The following KCNAB2 variants were observed in gnomAD, a reference collection of about 807,000 sequenced individuals.
KCNAB2 encodes voltage-gated potassium channel subunit beta-2.
KCNAB2 carries 29 observed loss-of-function variants against 63.6 expected under a neutral mutation model. The observed-to-expected ratio is 0.46, with a 90% CI of 0.34 to 0.62. The LOEUF is 0.62. KCNAB2 is among the 20% of genes least tolerant of loss of function. KCNAB2 has a pLI of 0.01. For missense variants in KCNAB2, 359 were observed against 563.9 expected (o/e 0.64, Z 3.68); for synonymous variants, 222 against 224.2 (o/e 0.99, Z 0.09).
intron 8 of KCNAB2, among the ~76,000 whole-genome samples, chr1:6,090,074 C>T (rs1165172105): frequency 6.6e-6 from 1 of 152,236 alleles, no homozygotes; most frequent in Non-Finnish European, 1.5e-5. Context: ...ATAAAGTCAT[C>T]TCCCTGTTGT....
rs1664822060 is a variant in KCNAB2 at position 6,087,691 on chromosome 1, G to A, written c.470+180G>A. Among the ~76,000 whole-genome samples the A allele has an allele frequency of 6.6e-6, 1 of 152,210 alleles. No homozygotes were observed. Among genetic ancestry groups the A allele is most frequent in the Admixed American group, 6.5e-5 (1 of 15,288 alleles). On this transcript the variant is annotated intron_variant, in intron 7 of 15. Coordinates refer to ENST00000378083, the MANE Select transcript of KCNAB2 (RefSeq NM_001199862.2). This position sits in a 1 kb window ranked among gnomAD's most constrained non-coding sequence, Gnocchi z 6.4. ...GGCCCAGTGCCATTTCCTGTCCCCA[G>A]CAGGGGCAGAGCTGGTGTTTCTGCA...
At chr1:6,062,589 C>T (rs1662409327) in intron 2 of KCNAB2, among the ~76,000 whole-genome samples, 1 of 152,184 alleles carries the variant, frequency 6.6e-6, no homozygotes, top group African/African-American at 2.4e-5. Flanking sequence ...CCTGGTGTCC[C>T]TGGGAAGAAC....
chr1:6,027,606 A>G (rs1659293491), intron 1 of KCNAB2: 1 of 152,236 alleles, frequency 6.6e-6, no homozygotes, highest in Non-Finnish European at 1.5e-5. Flanking sequence ...CTGTTCTTGC[A>G]AAAGTCTAGA....
rs913817548 is a variant in KCNAB2, at chr1:5,994,561, T to C, written c.-53+1773T>C. 6.6e-6 allele frequency among the ~76,000 whole-genome samples: 1 copy of C among 152,096 alleles called. No homozygotes were observed. The highest frequency in any genetic ancestry group is 2.4e-5 in the African/African-American group (1 of 41,412). ...TTTCCCTGCGCCAGTCAGCAAATGC[T>C]TTGTAGGTGCTAGTCAACACCTGGG... On this transcript the variant is annotated intron_variant, in intron 1 of 16. Transcript: ENST00000341524. The surrounding 1 kb of genome is among the most constrained non-coding windows in gnomAD (Gnocchi z 5.4).
At chr1:6,009,820 T>C (rs549514400) in intron 1 of KCNAB2, among the ~76,000 whole-genome samples, 3 of 152,236 alleles carry the variant, frequency 2.0e-5, no homozygotes, top group East Asian at 1.9e-4. Context: ...ACTTTAGTCA[T>C]TGGCCTTTCA....
chr1:6,078,022 C>T lies in KCNAB2; in HGVS notation c.301-4173C>T, dbSNP rs1013235170. On this transcript the variant is annotated intron_variant, in intron 4 of 15. Coordinates refer to ENST00000378083, the MANE Select transcript of KCNAB2 (RefSeq NM_001199862.2). This position sits in a 1 kb window ranked among gnomAD's most constrained non-coding sequence, Gnocchi z 4.2. Reference sequence around the variant, plus strand: ...TACCCCTGAGCCTAAGTCCAGGAGTCAGCCGGGCCGGGCTTCCTTCTCCCG... The same window carrying T: ...TACCCCTGAGCCTAAGTCCAGGAGTTAGCCGGGCCGGGCTTCCTTCTCCCG... 3.3e-5 allele frequency among the ~76,000 whole-genome samples: 5 copies of T among 149,704 alleles called. No individual in the cohort carries two copies. Among genetic ancestry groups the T allele is most frequent in the African/African-American group, 1.3e-4 (5 of 39,676 alleles).
At chr1:6,041,633 G>T (rs1252285887), upstream of KCNAB2, 3 of 580,714 alleles carry the variant, frequency 5.2e-6, no homozygotes, top group Non-Finnish European at 9.3e-6. Flanking sequence ...CGTGGCCACC[G>T]GGTGGCGCTG....
chr1:6,087,441 C>A lies in KCNAB2; in HGVS notation c.426-26C>A. On this transcript the variant is annotated intron_variant, in intron 6 of 15. Coordinates refer to ENST00000378083, the MANE Select transcript of KCNAB2 (RefSeq NM_001199862.2). The surrounding 1 kb of genome is among the most constrained non-coding windows in gnomAD (Gnocchi z 6.4). ...CCCCCCAGGGGCCGGGCTTATCACA[C>A]CCCTTCTTTCTCTTCTGTTCCACAG... 1 of 1,613,752 alleles carries A rather than the reference C, an allele frequency of 6.2e-7. No individual in the cohort carries two copies. Among genetic ancestry groups the A allele is most frequent in the Non-Finnish European group, 8.5e-7 (1 of 1,179,640 alleles).
At position 6,074,731 on chromosome 1, in the gene KCNAB2, G is replaced by A. The variant is rs1663519083; in HGVS notation, c.300+961G>A. On this transcript the variant is annotated intron_variant, in intron 4 of 15. Coordinates refer to ENST00000378083, the MANE Select transcript of KCNAB2 (RefSeq NM_001199862.2). This position sits in a 1 kb window ranked among gnomAD's most constrained non-coding sequence, Gnocchi z 4.9. ...CCCCAGCACTTTGGAAGGCTGGGGC[G>A]GGCGGATCACCTGAGGTCAGGAGTT... Among the ~76,000 whole-genome samples the A allele has an allele frequency of 6.6e-6, 1 of 152,110 alleles. No homozygotes were observed. Among genetic ancestry groups the A allele is most frequent in the African/African-American group, 2.4e-5 (1 of 41,404 alleles).
Position 5,994,408 on chromosome 1 carries a change from T to C in KCNAB2, c.-53+1620T>C, listed in dbSNP as rs952827738. Among the ~76,000 whole-genome samples the C allele has an allele frequency of 6.6e-6, 1 of 152,214 alleles. No individual in the cohort carries two copies. The highest frequency in any genetic ancestry group is 2.4e-5 in the African/African-American group (1 of 41,454). On this transcript the variant is annotated intron_variant, in intron 1 of 16. Transcript: ENST00000341524. This position sits in a 1 kb window ranked among gnomAD's most constrained non-coding sequence, Gnocchi z 5.4. ...GGGGCCCTAAGAGTGCACTTGGTCC[T>C]CCAGGTCCTGTCATTGTCTCCACGG...
In KCNAB2 at chr1:6,087,332, G is replaced by A; in HGVS notation, c.426-135G>A. The A allele has an allele frequency of 3.3e-6, 3 of 915,202 alleles. No individual in the cohort carries two copies. The highest frequency in any genetic ancestry group is 5.4e-6 in the Non-Finnish European group (3 of 555,482). The allele number at this position is 915,202 out of a possible 1,614,324, so 56.7% of individuals were successfully genotyped here. A position where few individuals can be genotyped will look rare whatever the true frequency, so the allele number is the denominator to read the frequency against. ...GGTACACATCATATGATGGAGAAGT[G>A]CCCATTTCATGCCCCAGGCTCCTGG... On this transcript the variant is annotated intron_variant, in intron 6 of 15. Coordinates refer to ENST00000378083, the MANE Select transcript of KCNAB2 (RefSeq NM_001199862.2). The surrounding 1 kb of genome is among the most constrained non-coding windows in gnomAD (Gnocchi z 6.4).
chr1:6,092,686 C>T (rs1269077346), intron 10 of KCNAB2, among the ~76,000 whole-genome samples: 1 of 152,240 alleles, frequency 6.6e-6, no homozygotes, highest in Non-Finnish European at 1.5e-5. Flanking sequence ...TCAAACTTTC[C>T]CAACCAGGCA....
rs1482993700 is a variant in KCNAB2 at position 5,994,439 on chromosome 1, C to T, written c.-53+1651C>T. Among the ~76,000 whole-genome samples the T allele has an allele frequency of 6.6e-6, 1 of 152,224 alleles. No individual in the cohort carries two copies. ...TCCTGTCATTGTCTCCACGGCCACA[C>T]TCGGCCTCAGTGGCACTGACAGTGT... On this transcript the variant is annotated intron_variant, in intron 1 of 16. Transcript: ENST00000341524. This position sits in a 1 kb window ranked among gnomAD's most constrained non-coding sequence, Gnocchi z 5.4.
intron 1 of KCNAB2, among the ~76,000 whole-genome samples, chr1:6,000,816 G>T (rs1657211995): frequency 6.6e-6 from 1 of 152,178 alleles, no homozygotes; most frequent in Non-Finnish European, 1.5e-5. Context: ...CAGGGTCTGG[G>T]GAATGTCACT....
Position 6,074,135 on chromosome 1 carries a change from G to C in KCNAB2, c.300+365G>C, listed in dbSNP as rs990420996. Among the ~76,000 whole-genome samples the C allele has an allele frequency of 5.9e-5, 9 of 152,220 alleles. No homozygotes were observed. The highest frequency in any genetic ancestry group is 2.2e-4 in the African/African-American group (9 of 41,454). On this transcript the variant is annotated intron_variant, in intron 4 of 15. Coordinates refer to ENST00000378083, the MANE Select transcript of KCNAB2 (RefSeq NM_001199862.2). The surrounding 1 kb of genome is among the most constrained non-coding windows in gnomAD (Gnocchi z 4.9). ...ATTCTGAAGCCGGATGCAGGTCCTA[G>C]CTGCCCCCATGGAGGCTCCAGTAAC... is the stretch of plus-strand genomic sequence containing the variant.
At chr1:5,993,079 C>G (rs1656628745) in intron 1 of KCNAB2, among the ~76,000 whole-genome samples, 1 of 150,674 alleles carries the variant, frequency 6.6e-6, no homozygotes, top group African/African-American at 2.4e-5. Context: ...GCCGCCGTCC[C>G]TCTTCCCGGT....
At chr1:6,066,652 G>T (rs1185681900) in intron 2 of KCNAB2, among the ~76,000 whole-genome samples, 1 of 152,204 alleles carries the variant, frequency 6.6e-6, no homozygotes. Context: ...CCCTCCCCTG[G>T]GCACACAGGC....
intron 1 of KCNAB2, chr1:6,036,007 G>A (rs1660009001): frequency 6.5e-6 from 1 of 152,684 alleles, no homozygotes; most frequent in African/African-American, 2.4e-5. Context: ...CGATACGATG[G>A]GCACCGCTGG....
At chr1:6,005,918 A>G (rs1413462581) in intron 1 of KCNAB2, among the ~76,000 whole-genome samples, 8 of 130,124 alleles carry the variant, frequency 6.1e-5, no homozygotes, top group African/African-American at 2.2e-4. Context: ...CTCAGCTCCC[A>G]CATCCCCCCA....
Sources: allele counts gnomAD v4.1 joint callset (sites outside exome capture counted in the v4.1 genomes callset), GRCh38; gene constraint gnomAD v4.1.1; non-coding constraint Gnocchi (gnomAD v3.1); transcripts MANE v1.5; gene names NCBI Gene and HGNC (gene_info 2026-07-23, HGNC 2026-07-21).